The following MYT1L variants were observed in gnomAD, a reference collection of about 807,000 sequenced individuals.
MYT1L encodes myelin transcription factor 1 like, also known as myelin transcription factor 1-like protein.
A neutral mutation model predicts 126.7 loss-of-function variants in MYT1L; 12 were observed. The ratio of observed to expected loss-of-function variants is 0.09; its 90% CI spans 0.06 to 0.15. The LOEUF (loss-of-function observed/expected upper bound fraction) is 0.15, where lower values mean the gene tolerates loss of function less well. Ranked by LOEUF, MYT1L falls within the 10% of genes least tolerant of loss-of-function variation. The pLI, the probability that MYT1L is intolerant of heterozygous loss-of-function variation, is 1.00. For synonymous variants in MYT1L, 541 were observed against 604.2 expected (o/e 0.90, Z 1.53); for missense variants, 979 against 1,585.2 (o/e 0.62, Z 6.49).
chr2:1,864,399 G>A (rs1463128699), intron 18 of MYT1L, among the ~76,000 whole-genome samples: 3 of 152,144 alleles, frequency 2.0e-5, no homozygotes, highest in Non-Finnish European at 2.9e-5. Flanking sequence ...CAGTCTTGCC[G>A]CTCCCTCCCT....
chr2:1,799,186 T>C (rs1338189030), intron 23 of MYT1L, among the ~76,000 whole-genome samples: 1 of 152,210 alleles, frequency 6.6e-6, no homozygotes, highest in African/African-American at 2.4e-5. Context: ...TTCACATTCA[T>C]TTTTGACATC....
chr2:2,005,401 G>T (rs192347622), intron 4 of MYT1L, among the ~76,000 whole-genome samples: 1 of 124,746 alleles, frequency 8.0e-6, no homozygotes, highest in Non-Finnish European at 1.6e-5. Flanking sequence ...TCTTTCCTGC[G>T]TGCGTTCTTT....
At chr2:2,067,120 T>C (rs762718678) in intron 3 of MYT1L, among the ~76,000 whole-genome samples, 1 of 152,128 alleles carries the variant, frequency 6.6e-6, no homozygotes, top group Non-Finnish European at 1.5e-5. Context: ...GTCAGGAATA[T>C]CTCCAACATT....
chr2:1,968,296 C>T (rs2059537637), intron 8 of MYT1L, among the ~76,000 whole-genome samples: 1 of 152,102 alleles, frequency 6.6e-6, no homozygotes, highest in Admixed American at 6.5e-5. Flanking sequence ...AGAGCGTCTG[C>T]ACTTCATTCA....
At chr2:2,291,681 C>T (rs1358868436) in intron 1 of MYT1L, among the ~76,000 whole-genome samples, 1 of 152,228 alleles carries the variant, frequency 6.6e-6, no homozygotes, top group Non-Finnish European at 1.5e-5. Flanking sequence ...TTCTGCACCG[C>T]GTACGCTGGG....
intron 2 of MYT1L, among the ~76,000 whole-genome samples, chr2:2,197,872 T>G (rs11127375): frequency 0.18 from 26,111 of 146,170 alleles, 2,403 homozygotes; most frequent in African/African-American, 0.27. Context: ...CACACATATA[T>G]ACACATGCAC....
intron 3 of MYT1L, among the ~76,000 whole-genome samples, chr2:2,103,225 A>G (rs2078315481): frequency 6.6e-6 from 1 of 152,186 alleles, no homozygotes; most frequent in South Asian, 2.1e-4. Context: ...ATATACTTAC[A>G]ATGGCCTCTA....
At chr2:2,139,066 G>A (rs2083524829) in intron 3 of MYT1L, among the ~76,000 whole-genome samples, 1 of 151,756 alleles carries the variant, frequency 6.6e-6, no homozygotes, top group Non-Finnish European at 1.5e-5. Flanking sequence ...CCCTGTATTA[G>A]GTGCCAGAAT....
At chr2:2,011,502 G>C (rs1430804131) in intron 4 of MYT1L, among the ~76,000 whole-genome samples, 1 of 150,466 alleles carries the variant, frequency 6.6e-6, no homozygotes, top group African/African-American at 2.4e-5. Context: ...AAAAGCATGA[G>C]CAATTAAAAA....
chr2:1,960,867 C>T (rs1271294231), intron 8 of MYT1L, among the ~76,000 whole-genome samples: 3 of 152,160 alleles, frequency 2.0e-5, no homozygotes, highest in African/African-American at 7.2e-5. Context: ...GGGCTTCTCC[C>T]GCAGTGCACC....
At chr2:1,958,792 A>G (rs1323442372) in intron 8 of MYT1L, among the ~76,000 whole-genome samples, 1 of 142,358 alleles carries the variant, frequency 7.0e-6, no homozygotes, top group Non-Finnish European at 1.5e-5. Flanking sequence ...CTCTGGCCCA[A>G]CCGACTGCAG....
chr2:1,860,948 G>A (rs978906795), intron 18 of MYT1L, among the ~76,000 whole-genome samples: 2 of 151,940 alleles, frequency 1.3e-5, no homozygotes. Flanking sequence ...CACCACCACG[G>A]CGACCACGCT....
chr2:1,909,668 G>C (rs1276285396), intron 13 of MYT1L, among the ~76,000 whole-genome samples: 1 of 152,096 alleles, frequency 6.6e-6, no homozygotes, highest in Non-Finnish European at 1.5e-5. Flanking sequence ...GTAACATTCG[G>C]GTCAGTCATT....
At chr2:1,834,168 A>G (rs9309688) in intron 21 of MYT1L, among the ~76,000 whole-genome samples, 65,429 of 152,140 alleles carry the variant, frequency 0.43, 14,748 homozygotes, top group East Asian at 0.67. Context: ...GCTGCTTCTA[A>G]CCGCTGCTTT....
chr2:1,808,460 A>G (rs758768873), intron 22 of MYT1L, among the ~76,000 whole-genome samples: 53 of 152,132 alleles, frequency 3.5e-4, no homozygotes, highest in Non-Finnish European at 5.9e-4. Context: ...CAGGGAGGTG[A>G]CCTCGCAAAT....
intron 3 of MYT1L, among the ~76,000 whole-genome samples, chr2:2,073,964 C>T (rs866300507): frequency 7.9e-5 from 12 of 152,152 alleles, no homozygotes; most frequent in African/African-American, 2.2e-4. Flanking sequence ...CAGGAATTGC[C>T]CGTCTCACCC....
chr2:2,148,578 G>A (rs973930238), intron 3 of MYT1L, among the ~76,000 whole-genome samples: 113 of 152,290 alleles, frequency 7.4e-4, no homozygotes, highest in Middle Eastern at 3.4e-3. Flanking sequence ...TAGATCCTAA[G>A]TCAAACCACA....
intron 19 of MYT1L, among the ~76,000 whole-genome samples, chr2:1,843,068 G>A (rs2042024499): frequency 6.6e-6 from 1 of 152,200 alleles, no homozygotes; most frequent in African/African-American, 2.4e-5. Flanking sequence ...TCTTCCACGC[G>A]ACTCGTAGGC....
intron 2 of MYT1L, among the ~76,000 whole-genome samples, chr2:2,177,552 G>A (rs1253703645): frequency 1.3e-5 from 2 of 152,176 alleles, no homozygotes; most frequent in Non-Finnish European, 2.9e-5. Context: ...AGACTCGGCA[G>A]TTTACAAAGG....
Sources: allele counts gnomAD v4.1 joint callset (sites outside exome capture counted in the v4.1 genomes callset), GRCh38; gene constraint gnomAD v4.1.1; transcripts MANE v1.5; gene names NCBI Gene and HGNC (gene_info 2026-07-23, HGNC 2026-07-21).